PCDHGA8: variants seen among roughly 807,000 people sequenced by gnomAD.
PCDHGA8 encodes the protein protocadherin gamma subfamily A, 8, also known as protocadherin gamma-A8.
Under a neutral mutation model 59.2 loss-of-function variants are expected in PCDHGA8, and 45 were observed. The ratio of observed to expected loss-of-function variants is 0.76; its 90% confidence interval spans 0.60 to 0.98. PCDHGA8 has a LOEUF of 0.98. PCDHGA8 is among the 50% of genes least tolerant of loss of function. The pLI, the probability that PCDHGA8 is intolerant of heterozygous loss-of-function variation, is 0.00. For missense variants in PCDHGA8, 1,257 were observed against 1,196.2 expected (o/e 1.05, Z -0.75); for synonymous variants, 531 against 519.0 (o/e 1.02, Z -0.32).
rs139608956 is a variant in PCDHGA8, at chr5:141,510,637, A to G, written c.2573-310A>G. Among the ~76,000 whole-genome samples, 4 of 152,242 alleles carry G rather than the reference A, an allele frequency of 2.6e-5. No individual in the cohort carries two copies. The East Asian group carries it at 7.7e-4, about 29-fold the overall frequency. ...ACTAAAACCAGAAGAGGTGGTTACC[A>G]TTATCATCCCCATTTTGCAGATGAG... On this transcript the variant is annotated intron_variant, in intron 3 of 3. Transcript: ENST00000398604.
In PCDHGA8 at chr5:141,512,843, T is replaced by G. The variant is rs2099884463; in HGVS notation, c.*1670T>G. ...CCCTCCCCCGTACTGACTTCTCCTATAAGCGCTTCTCTTCGCATAGTCACG... is the reference window on the plus strand; with the variant it reads ...CCCTCCCCCGTACTGACTTCTCCTAGAAGCGCTTCTCTTCGCATAGTCACG... On this transcript the variant is annotated 3_prime_UTR_variant, in exon 4 of 4. Coordinates refer to ENST00000398604, the MANE Select transcript of PCDHGA8 (RefSeq NM_032088.2). 6.6e-6 allele frequency: 1 copy of G among 152,290 alleles called. No individual in the cohort carries two copies. The highest frequency in any genetic ancestry group is 1.5e-5 in the Non-Finnish European group (1 of 68,088). 9.4% of individuals were successfully genotyped at this position (152,290 alleles called of 1,614,324 possible).
At chr5:141,395,508 A>G (rs1313015738) in intron 1 of PCDHGA8, 3 of 461,062 alleles carry the variant, frequency 6.5e-6, no homozygotes, top group Non-Finnish European at 1.1e-5. Flanking sequence ...CTTAAGAAGT[A>G]GCTACCCGTC....
At chr5:141,492,606 C>G (rs1019615566) in intron 1 of PCDHGA8, among the ~76,000 whole-genome samples, 3 of 152,232 alleles carry the variant, frequency 2.0e-5, no homozygotes, top group African/African-American at 7.2e-5. Flanking sequence ...GACTGCCGCT[C>G]TAAGTGCCGG....
At position 141,489,871 on chromosome 5, in the gene PCDHGA8, G is replaced by C; in HGVS notation, c.2425-4936G>C. ...TGAAGCCCAGGCAAGACATCAGCTGGTGCTTACTGCTGTGGATGGGGGGAC... is the reference window on the plus strand; with the variant it reads ...TGAAGCCCAGGCAAGACATCAGCTGCTGCTTACTGCTGTGGATGGGGGGAC... On this transcript the variant is annotated intron_variant, in intron 1 of 3. Coordinates refer to ENST00000398604, the MANE Select transcript of PCDHGA8 (RefSeq NM_032088.2). The surrounding 1 kb of genome is among the most constrained non-coding windows in gnomAD (Gnocchi z 4.5). 1 of 1,614,206 alleles carries C rather than the reference G, an allele frequency of 6.2e-7. No individual in the cohort carries two copies.
At chr5:141,478,528 G>A (rs1013766552) in intron 1 of PCDHGA8, 1 of 1,609,730 alleles carries the variant, frequency 6.2e-7, no homozygotes, top group Non-Finnish European at 8.5e-7. Context: ...TGGGTGCAGA[G>A]AGCGCCCCTC....
intron 1 of PCDHGA8, among the ~76,000 whole-genome samples, chr5:141,484,795 C>T (rs1265916821): frequency 6.6e-6 from 1 of 151,784 alleles, no homozygotes; most frequent in African/African-American, 2.4e-5. Context: ...AGATAACAAC[C>T]CGTGGAAAAA....
chr5:141,413,660 T>C (rs747874019), intron 1 of PCDHGA8: 5 of 1,613,752 alleles, frequency 3.1e-6, no homozygotes, highest in Non-Finnish European at 4.2e-6. Flanking sequence ...CCGGAAGCTA[T>C]TGATCCGGAT....
intron 1 of PCDHGA8, among the ~76,000 whole-genome samples, chr5:141,492,711 C>T (rs927567393): frequency 4.6e-5 from 7 of 152,254 alleles, no homozygotes; most frequent in East Asian, 3.8e-4. Flanking sequence ...AAGCCTCGAG[C>T]AGGCGGACAG....
At chr5:141,492,189 G>C (rs2099737936) in intron 1 of PCDHGA8, among the ~76,000 whole-genome samples, 1 of 152,204 alleles carries the variant, frequency 6.6e-6, no homozygotes, top group Non-Finnish European at 1.5e-5. Context: ...GCACCTGTCT[G>C]CGGGACTTAG....
At position 141,489,505 on chromosome 5, in the gene PCDHGA8, A is replaced by G. The variant is rs1198371307; in HGVS notation, c.2425-5302A>G. On this transcript the variant is annotated intron_variant, in intron 1 of 3. Transcript: ENST00000398604. The surrounding 1 kb of genome is among the most constrained non-coding windows in gnomAD (Gnocchi z 4.5). ...GAGTGGTGCCCTGGCAGTGAATCAA[A>G]AGATTGACCGAGAAAGCCTATGTGG... The G allele has an allele frequency of 1.9e-6, 3 of 1,613,972 alleles. No homozygotes were observed. The Admixed American group carries it at 5.0e-5, about 27-fold the overall frequency.
At chr5:141,452,751 A>C (rs1592230802) in intron 1 of PCDHGA8, among the ~76,000 whole-genome samples, 1 of 152,094 alleles carries the variant, frequency 6.6e-6, no homozygotes, top group South Asian at 2.1e-4. Context: ...AGAAGGAAGA[A>C]GGAAGGGAGG....
At chr5:141,414,706 A>G in intron 1 of PCDHGA8, 1 of 1,614,002 alleles carries the variant, frequency 6.2e-7, no homozygotes, top group South Asian at 1.1e-5. Context: ...ATACATATCC[A>G]TCAACTCAGA....
At chr5:141,444,725 T>C (rs1178418239) in intron 1 of PCDHGA8, among the ~76,000 whole-genome samples, 1 of 152,370 alleles carries the variant, frequency 6.6e-6, no homozygotes, top group East Asian at 1.9e-4. Flanking sequence ...TTGGTGCCTT[T>C]GTTGAAAGTC....
At chr5:141,483,648 T>TTGTGTGTGTG (rs111458813) in intron 1 of PCDHGA8, among the ~76,000 whole-genome samples, 23 of 149,708 alleles carry the variant, frequency 1.5e-4, no homozygotes, top group African/African-American at 3.9e-4. Context: ...GGGTGTGTGT[T>TTGTGTGTGTG]TGTGTGTGTG....
chr5:141,448,192 TACAAAC>T (rs2098573842), intron 1 of PCDHGA8, among the ~76,000 whole-genome samples: 1 of 152,188 alleles, frequency 6.6e-6, no homozygotes, highest in Non-Finnish European at 1.5e-5. Flanking sequence ...TATGTACACT[TACAAAC>T]ATTTTCTGTG....
rs761106133 is a variant in PCDHGA8 at position 141,432,117 on chromosome 5, C to A, written c.2424+36880C>A. 1 of 1,614,180 alleles carries A rather than the reference C, an allele frequency of 6.2e-7. No individual in the cohort carries two copies. Among genetic ancestry groups the A allele is most frequent in the Admixed American group, 1.7e-5 (1 of 60,024 alleles). ...ACCAACGACAACCCGCCGGTCTTCC[C>A]TCAGGCCTCCTATTCCGCTTATATC... On this transcript the variant is annotated intron_variant, in intron 1 of 3. Transcript: ENST00000398604. The surrounding 1 kb of genome is among the most constrained non-coding windows in gnomAD (Gnocchi z 6.0).
At chr5:141,455,411 G>T (rs1292246147) in intron 1 of PCDHGA8, among the ~76,000 whole-genome samples, 1 of 152,096 alleles carries the variant, frequency 6.6e-6, no homozygotes, top group Non-Finnish European at 1.5e-5. Context: ...AGAGACAGAG[G>T]GAGCGGGGCT....
intron 2 of PCDHGA8, among the ~76,000 whole-genome samples, chr5:141,500,682 G>A (rs1661676761): frequency 6.6e-6 from 1 of 152,044 alleles, no homozygotes; most frequent in African/African-American, 2.4e-5. Context: ...CAGAATTATA[G>A]CTTTTTTCTT....
chr5:141,409,818 C>T (rs1027344375), intron 1 of PCDHGA8: 2 of 1,610,918 alleles, frequency 1.2e-6, no homozygotes, highest in Non-Finnish European at 1.7e-6. Context: ...GACCACGGCT[C>T]GCCCACGCTC....
Sources: gnomAD v4.1 joint callset for allele counts (sites outside exome capture counted in the v4.1 genomes callset) on GRCh38, gnomAD v4.1.1 for gene constraint, Gnocchi (gnomAD v3.1) non-coding constraint, MANE v1.5 for transcripts, NCBI Gene and HGNC (gene_info 2026-07-23, HGNC 2026-07-21) for gene names.